The following SLC24A3 variants were observed in gnomAD, a reference collection of about 807,000 sequenced individuals.
SLC24A3 encodes the protein solute carrier family 24 member 3.
In SLC24A3, 28 loss-of-function variants were observed where a neutral mutation model predicts 75.8. The ratio of observed to expected loss-of-function variants is 0.37; its 90% confidence interval spans 0.27 to 0.51. The LOEUF (loss-of-function observed/expected upper bound fraction) is 0.51, where lower values mean the gene tolerates loss of function less well. Among genes scored for constraint, SLC24A3 ranks in the 20% least tolerant of loss-of-function variants. The pLI is 0.94. For missense variants in SLC24A3, 663 were observed against 847.8 expected (o/e 0.78, Z 2.71); for synonymous variants, 372 against 334.1 (o/e 1.11, Z -1.24).
intron 2 of SLC24A3, chr20:19,284,575 GTGTT>G (rs1983757364): frequency 6.6e-6 from 1 of 152,446 alleles, no homozygotes; most frequent in Non-Finnish European, 1.5e-5. Context: ...AGGGACTTGA[GTGTT>G]TGGGGTGCAG....
At chr20:19,593,538 C>T (rs2031409428) in intron 6 of SLC24A3, among the ~76,000 whole-genome samples, 1 of 152,206 alleles carries the variant, frequency 6.6e-6, no homozygotes, top group African/African-American at 2.4e-5. Flanking sequence ...CTTTCAATAA[C>T]TCCTGGAGAA....
At chr20:19,446,537 G>C (rs537982618) in intron 2 of SLC24A3, among the ~76,000 whole-genome samples, 3 of 152,180 alleles carry the variant, frequency 2.0e-5, no homozygotes, top group Admixed American at 6.5e-5. Flanking sequence ...AAAGGATGGC[G>C]TTACTCTTAT....
At chr20:19,226,798 A>G (rs1981882516) in intron 1 of SLC24A3, among the ~76,000 whole-genome samples, 1 of 152,210 alleles carries the variant, frequency 6.6e-6, no homozygotes, top group Non-Finnish European at 1.5e-5. Context: ...GTCAAGTAGA[A>G]TTTGAATCCA....
chr20:19,502,754 G>A (rs1988403208), intron 2 of SLC24A3, among the ~76,000 whole-genome samples: 1 of 151,316 alleles, frequency 6.6e-6, no homozygotes, highest in Non-Finnish European at 1.5e-5. Flanking sequence ...TAGAAGACCG[G>A]GTGCAGTGGC....
intron 2 of SLC24A3, among the ~76,000 whole-genome samples, chr20:19,452,818 C>T (rs1036015247): frequency 5.3e-5 from 8 of 151,674 alleles, no homozygotes; most frequent in Admixed American, 4.6e-4. Flanking sequence ...AGTTTAAGCC[C>T]AGCCTGGGCA....
intron 2 of SLC24A3, among the ~76,000 whole-genome samples, chr20:19,504,271 A>G (rs1179355305): frequency 6.6e-6 from 1 of 152,160 alleles, no homozygotes; most frequent in Non-Finnish European, 1.5e-5. Context: ...AAATTCTGTT[A>G]TTATCCTCCC....
chr20:19,476,012 T>C (rs1987956842), intron 2 of SLC24A3, among the ~76,000 whole-genome samples: 1 of 152,214 alleles, frequency 6.6e-6, no homozygotes, highest in Admixed American at 6.5e-5. Flanking sequence ...AAGGACAGTT[T>C]AGCAAAGCAT....
intron 2 of SLC24A3, among the ~76,000 whole-genome samples, chr20:19,377,637 A>G (rs1986107949): frequency 6.6e-6 from 1 of 152,228 alleles, no homozygotes; most frequent in African/African-American, 2.4e-5. Flanking sequence ...ATCTGTGCAT[A>G]TTCTTGCATG....
intron 3 of SLC24A3, among the ~76,000 whole-genome samples, chr20:19,550,056 T>C (rs964524979): frequency 2.6e-5 from 4 of 152,194 alleles, no homozygotes; most frequent in Non-Finnish European, 5.9e-5. Flanking sequence ...GAGTCACACT[T>C]CATCATTATC....
intron 6 of SLC24A3, among the ~76,000 whole-genome samples, chr20:19,633,458 G>A (rs2031961036): frequency 1.3e-5 from 2 of 151,910 alleles, no homozygotes; most frequent in South Asian, 4.2e-4. Context: ...GACCATCCCG[G>A]CTAAACCGGT....
chr20:19,285,609 G>A (rs1568578746), intron 2 of SLC24A3, among the ~76,000 whole-genome samples: 1 of 150,250 alleles, frequency 6.7e-6, no homozygotes, highest in South Asian at 2.1e-4. Context: ...TGACCTCCGG[G>A]CTCCAACTTT....
intron 3 of SLC24A3, among the ~76,000 whole-genome samples, chr20:19,546,546 C>T (rs528561500): frequency 6.6e-6 from 1 of 152,352 alleles, no homozygotes; most frequent in Non-Finnish European, 1.5e-5. Context: ...TTCACCTCCT[C>T]CCTGCAAGGC....
chr20:19,303,362 T>A (rs1029324893), intron 2 of SLC24A3, among the ~76,000 whole-genome samples: 1 of 152,246 alleles, frequency 6.6e-6, no homozygotes, highest in Non-Finnish European at 1.5e-5. Flanking sequence ...TACGGCTGCA[T>A]GGTATTCCAT....
At chr20:19,305,848 G>A (rs1984313916) in intron 2 of SLC24A3, among the ~76,000 whole-genome samples, 1 of 152,136 alleles carries the variant, frequency 6.6e-6, no homozygotes, top group African/African-American at 2.4e-5. Flanking sequence ...GTCCTTAAAA[G>A]CAGTGGCAAC....
intron 6 of SLC24A3, among the ~76,000 whole-genome samples, chr20:19,616,911 G>T (rs978358551): frequency 6.6e-6 from 1 of 152,082 alleles, no homozygotes; most frequent in Non-Finnish European, 1.5e-5. Context: ...CAGATGCCCC[G>T]AGTTCTCCGT....
chr20:19,646,779 T>C (rs1198878266), intron 6 of SLC24A3, among the ~76,000 whole-genome samples: 2 of 152,114 alleles, frequency 1.3e-5, no homozygotes, highest in Non-Finnish European at 2.9e-5. Context: ...CATGAATTAG[T>C]GGTGCCTGCT....
chr20:19,562,121 C>T (rs917752419), intron 3 of SLC24A3, among the ~76,000 whole-genome samples: 18 of 152,146 alleles, frequency 1.2e-4, no homozygotes, highest in Non-Finnish European at 2.6e-4. Flanking sequence ...TGTGACTCTG[C>T]TTCTTGCTTC....
chr20:19,239,996 C>T (rs1395832425), intron 1 of SLC24A3, among the ~76,000 whole-genome samples: 1 of 152,200 alleles, frequency 6.6e-6, no homozygotes, highest in African/African-American at 2.4e-5. Context: ...GCTGCCCAAC[C>T]CCAAGGGCCT....
intron 2 of SLC24A3, among the ~76,000 whole-genome samples, chr20:19,302,309 G>T: frequency 6.6e-6 from 1 of 152,292 alleles, no homozygotes; most frequent in East Asian, 1.9e-4. Flanking sequence ...ATCTATAATG[G>T]TAATGGCATT....
Sources: gnomAD v4.1 joint callset for allele counts (sites outside exome capture counted in the v4.1 genomes callset) on GRCh38, gnomAD v4.1.1 for gene constraint, MANE v1.5 for transcripts, NCBI Gene and HGNC (gene_info 2026-07-23, HGNC 2026-07-21) for gene names.